The following FBXL13 variants were observed in gnomAD, a reference collection of about 807,000 sequenced individuals.
FBXL13 encodes F-box and leucine-rich repeat protein 13.
Under a neutral mutation model 83.6 loss-of-function variants are expected in FBXL13, and 67 were observed. The ratio of observed to expected loss-of-function variants is 0.80; its 90% CI spans 0.66 to 0.98. The LOEUF (loss-of-function observed/expected upper bound fraction) is 0.98. Among genes scored for constraint, FBXL13 ranks in the 50% least tolerant of loss-of-function variants. The pLI is 0.00. For synonymous variants in FBXL13, 272 were observed against 299.5 expected, an observed-to-expected ratio of 0.91 and a Z score of 0.95; for missense variants, 822 against 866.5, an observed-to-expected ratio of 0.95 and a Z score of 0.64.
intron 11 of FBXL13, 51 bp downstream of exon 12, chr7:102,913,035 T>G (rs763719038): frequency 4.3e-6 from 7 of 1,612,762 alleles, no homozygotes; most frequent in Non-Finnish European, 5.1e-6. Flanking sequence ...CAGCCCATTC[T>G]CTGGAGAACT....
chr7:102,973,362 T>C (rs1266020330), intron 6 of FBXL13: 24 of 664,688 alleles, frequency 3.6e-5, no homozygotes, highest in South Asian at 3.5e-4. Flanking sequence ...ACACCTACCC[T>C]GGCCGGAAGA....
chr7:102,834,750 G>A (rs999520923), intron 17 of FBXL13: 2 of 151,994 alleles, frequency 1.3e-5, no homozygotes, highest in Non-Finnish European at 2.9e-5. Context: ...TGTATATGAT[G>A]ACTATAGTTA....
At chr7:102,932,597 T>G (rs1819427738) in intron 8 of FBXL13, among the ~76,000 whole-genome samples, 2 of 2,654 alleles carry the variant, frequency 7.5e-4, no homozygotes, top group Non-Finnish European at 2.9e-3. Flanking sequence ...GTTTGTTTCG[T>G]TTTTTTGAGA....
chr7:102,837,917 G>A (rs1802281537), intron 17 of FBXL13, among the ~76,000 whole-genome samples: 1 of 152,220 alleles, frequency 6.6e-6, no homozygotes, highest in South Asian at 2.1e-4. Context: ...GTAACTTCTT[G>A]AGGGTAGAAT....
chr7:102,883,543 G>T, intron 13 of FBXL13, 25 bp downstream of exon 14: 1 of 1,588,434 alleles, frequency 6.3e-7, no homozygotes, highest in South Asian at 1.1e-5. Context: ...CAATAATGCT[G>T]AACCACATTT....
At chr7:102,992,397 A>G (rs771165465) in intron 6 of FBXL13, among the ~76,000 whole-genome samples, 4 of 152,154 alleles carry the variant, frequency 2.6e-5, no homozygotes, top group Non-Finnish European at 2.9e-5. Flanking sequence ...ATGCCCAGCC[A>G]CAGCTGTCAC....
At chr7:102,813,258 A>G (rs1797557057) in exon 20 of FBXL13, 1 of 1,234,628 alleles carries the variant, frequency 8.1e-7, no homozygotes, top group Non-Finnish European at 1.1e-6. Flanking sequence ...TGTTATTGAG[A>G]TTCAGCTAGT....
intron 8 of FBXL13, among the ~76,000 whole-genome samples, chr7:102,942,612 G>GTGAGA (rs1388736869): frequency 6.6e-6 from 1 of 152,142 alleles, no homozygotes; most frequent in Non-Finnish European, 1.5e-5. Context: ...AAGTAAATCT[G>GTGAGA]TGAGATCACT....
At chr7:102,895,088 G>A (rs1216305565) in intron 11 of FBXL13, among the ~76,000 whole-genome samples, 1 of 152,218 alleles carries the variant, frequency 6.6e-6, no homozygotes, top group Admixed American at 6.5e-5. Flanking sequence ...ACCTTGGGAA[G>A]GAGAGCAGAC....
chr7:103,012,633 C>A (rs527992017), intron 6 of FBXL13, among the ~76,000 whole-genome samples: 1 of 152,268 alleles, frequency 6.6e-6, no homozygotes, highest in Non-Finnish European at 1.5e-5. Context: ...AACAGACATG[C>A]CTTACAAGAG....
At chr7:102,947,022 G>A (rs1021903889) in intron 8 of FBXL13, among the ~76,000 whole-genome samples, 1 of 152,292 alleles carries the variant, frequency 6.6e-6, no homozygotes, top group Admixed American at 6.5e-5. Context: ...TGGGTCAGAG[G>A]TGGGGACTTA....
rs148215430 is a variant in FBXL13, at chr7:102,965,590, C to T, written c.592-1925G>A. ...GTCTGCATGCATGCAGAAACACATACACTCTGGCAATTTCTAATATGAAAT... is the reference window on the plus strand; with the variant it reads ...GTCTGCATGCATGCAGAAACACATATACTCTGGCAATTTCTAATATGAAAT... On this transcript the variant is annotated intron_variant, in intron 7 of 19. Transcript: ENST00000313221. Among the ~76,000 whole-genome samples, 773 of 152,304 alleles carry T rather than the reference C, an allele frequency of 5.1e-3. 4 individuals carry two copies. The highest frequency in any genetic ancestry group is 0.017 in the African/African-American group (724 of 41,548).
chr7:103,066,875 T>C (rs927860742), intron 1 of FBXL13, among the ~76,000 whole-genome samples: 1 of 150,884 alleles, frequency 6.6e-6, no homozygotes, highest in Non-Finnish European at 1.5e-5. Flanking sequence ...CACCGCAACC[T>C]TCGCCTCCTG....
At chr7:102,915,739 ATT>A (rs10559545) in intron 10 of FBXL13, among the ~76,000 whole-genome samples, 72,133 of 151,530 alleles carry the variant, frequency 0.48, 19,707 homozygotes, top group African/African-American at 0.77. Flanking sequence ...ATAAAAAAAC[ATT>A]TATGAGTAGA....
At chr7:102,936,729 G>A (rs6465884) in intron 8 of FBXL13, among the ~76,000 whole-genome samples, 7,211 of 152,228 alleles carry the variant, frequency 0.047, 260 homozygotes, top group South Asian at 0.13. Context: ...GTGTAAATGA[G>A]AAAAGTAAAT....
At chr7:102,976,093 C>A (rs1249140460) in intron 6 of FBXL13, 1 of 766,356 alleles carries the variant, frequency 1.3e-6, no homozygotes, top group African/African-American at 1.7e-5. Flanking sequence ...GGACCACCCC[C>A]ATCCCTTCCT....
chr7:102,947,421 CA>C (rs1476984336), intron 8 of FBXL13, among the ~76,000 whole-genome samples: 3 of 152,168 alleles, frequency 2.0e-5, no homozygotes, highest in African/African-American at 7.2e-5. Context: ...CTGAACACAT[CA>C]AAACAGAAAT....
intron 6 of FBXL13, among the ~76,000 whole-genome samples, chr7:103,001,715 C>T (rs1790422522): frequency 6.6e-6 from 1 of 152,172 alleles, no homozygotes; most frequent in Admixed American, 6.5e-5. Flanking sequence ...CTCTTCCTGC[C>T]CTTGGACATC....
intron 17 of FBXL13, among the ~76,000 whole-genome samples, chr7:102,841,102 C>A (rs1584553748): frequency 1.3e-5 from 2 of 152,238 alleles, no homozygotes. Flanking sequence ...TCAGGCAAGG[C>A]ACAATGAGCA....
Sources: gnomAD v4.1 joint callset for allele counts (sites outside exome capture counted in the v4.1 genomes callset) on GRCh38, gnomAD v4.1.1 for gene constraint, MANE v1.5 for transcripts, NCBI Gene and HGNC (gene_info 2026-07-23, HGNC 2026-07-21) for gene names.